Variants in SOX5 observed in about 807,000 individuals in gnomAD.
SOX5 encodes the protein SRY-box transcription factor 5.
Under a neutral mutation model 92.0 loss-of-function variants are expected in SOX5, and 9 were observed. The observed-to-expected ratio is 0.10, with a 90% CI of 0.06 to 0.17. The LOEUF (loss-of-function observed/expected upper bound fraction) is 0.17. Among genes scored for constraint, SOX5 ranks in the 10% least tolerant of loss-of-function variants. The pLI is 1.00. For synonymous variants in SOX5, 344 were observed against 336.3 expected, an observed-to-expected ratio of 1.02 and a Z score of -0.25; for missense variants, 642 against 944.5, an observed-to-expected ratio of 0.68 and a Z score of 4.20.
intron 1 of SOX5, among the ~76,000 whole-genome samples, chr12:24,429,148 T>C (rs900569682): frequency 6.6e-6 from 1 of 151,890 alleles, no homozygotes; most frequent in African/African-American, 2.4e-5. Context: ...AAACCCTGTC[T>C]CTACTAAAAA....
intron 2 of SOX5, among the ~76,000 whole-genome samples, chr12:24,358,143 G>A (rs1392398209): frequency 6.6e-6 from 1 of 152,178 alleles, no homozygotes; most frequent in Non-Finnish European, 1.5e-5. Flanking sequence ...ATTCTCTACA[G>A]GATGGTTTTC....
intron 1 of SOX5, among the ~76,000 whole-genome samples, chr12:24,536,347 A>G (rs1011872255): frequency 1.3e-5 from 2 of 152,190 alleles, no homozygotes; most frequent in Non-Finnish European, 2.9e-5. Flanking sequence ...CAGCACCTAG[A>G]GAGAGATGTC....
chr12:23,727,068 G>A (rs1164710944), intron 6 of SOX5, among the ~76,000 whole-genome samples: 1 of 152,086 alleles, frequency 6.6e-6, no homozygotes, highest in African/African-American at 2.4e-5. Flanking sequence ...AAAGAAATTT[G>A]AGATTCCAGA....
chr12:24,433,241 GT>G (rs1039082668), intron 1 of SOX5, among the ~76,000 whole-genome samples: 1 of 152,134 alleles, frequency 6.6e-6, no homozygotes, highest in Non-Finnish European at 1.5e-5. Flanking sequence ...TTATATCTTT[GT>G]TTTAAGCAAA....
intron 6 of SOX5, among the ~76,000 whole-genome samples, chr12:23,729,762 T>G (rs748185263): frequency 3.9e-5 from 6 of 152,180 alleles, no homozygotes; most frequent in Non-Finnish European, 8.8e-5. Context: ...TGAAAAGAAG[T>G]ACAGTATCTT....
intron 1 of SOX5, among the ~76,000 whole-genome samples, chr12:23,948,955 A>C (rs1297834126): frequency 6.6e-6 from 1 of 152,206 alleles, no homozygotes; most frequent in African/African-American, 2.4e-5. Context: ...GAACAGCTCC[A>C]TTTATCCCCT....
At chr12:23,835,937 C>T (rs1361440532) in intron 3 of SOX5, among the ~76,000 whole-genome samples, 1 of 151,566 alleles carries the variant, frequency 6.6e-6, no homozygotes, top group Non-Finnish European at 1.5e-5. Context: ...AATGGTATTC[C>T]CTGAAACTGG....
intron 2 of SOX5, among the ~76,000 whole-genome samples, chr12:24,324,092 G>A (rs761492716): frequency 1.8e-4 from 27 of 152,016 alleles, no homozygotes; most frequent in Non-Finnish European, 3.4e-4. Context: ...GAAGTAGAAA[G>A]GAAGAAATAA....
upstream of SOX5, chr12:23,950,793 C>G: frequency 7.3e-7 from 1 of 1,364,174 alleles, no homozygotes; most frequent in Non-Finnish European, 1.0e-6. Context: ...ATCTGGCAGC[C>G]GAGAAAGGTA....
At chr12:24,557,239 T>C (rs1260075822) in intron 1 of SOX5, among the ~76,000 whole-genome samples, 3 of 151,658 alleles carry the variant, frequency 2.0e-5, no homozygotes, top group Non-Finnish European at 4.4e-5. Context: ...AATACAAAAA[T>C]TAGCTGGGTG....
intron 3 of SOX5, among the ~76,000 whole-genome samples, chr12:24,239,322 T>C (rs1057108616): frequency 4.6e-5 from 7 of 152,362 alleles, no homozygotes; most frequent in African/African-American, 1.7e-4. Flanking sequence ...CTCACTAAAT[T>C]TCCTTAGAGA....
intron 4 of SOX5, among the ~76,000 whole-genome samples, chr12:23,745,677 C>A (rs2093957755): frequency 6.6e-6 from 1 of 152,196 alleles, no homozygotes; most frequent in Non-Finnish European, 1.5e-5. Context: ...ATTCATTCTT[C>A]ATGCTCCAGC....
chr12:23,958,323 GT>G (rs1056413186), intron 4 of SOX5, among the ~76,000 whole-genome samples: 1 of 151,492 alleles, frequency 6.6e-6, no homozygotes. Flanking sequence ...ACACTTAATG[GT>G]TTTTTTTCTG....
At chr12:23,932,471 T>C (rs1941658748) in intron 1 of SOX5, among the ~76,000 whole-genome samples, 1 of 151,660 alleles carries the variant, frequency 6.6e-6, no homozygotes, top group African/African-American at 2.4e-5. Flanking sequence ...ACTGTATTAA[T>C]GTTAACTTTC....
chr12:23,633,129 G>C (rs1440870440), intron 8 of SOX5, among the ~76,000 whole-genome samples: 1 of 152,016 alleles, frequency 6.6e-6, no homozygotes, highest in Non-Finnish European at 1.5e-5. Context: ...AGGTAGAACA[G>C]GTGGCAACCA....
At chr12:23,809,647 A>G (rs542330608) in intron 3 of SOX5, among the ~76,000 whole-genome samples, 2 of 151,528 alleles carry the variant, frequency 1.3e-5, no homozygotes, top group Non-Finnish European at 1.5e-5. Context: ...CTCAAATTCA[A>G]TCTTGCTTAA....
intron 3 of SOX5, among the ~76,000 whole-genome samples, chr12:23,793,625 G>A (rs1235491380): frequency 6.6e-6 from 1 of 152,194 alleles, no homozygotes; most frequent in Non-Finnish European, 1.5e-5. Context: ...AGATCATGTT[G>A]TGTGAAGATT....
At chr12:23,595,811 T>C (rs1029366933) in intron 9 of SOX5, among the ~76,000 whole-genome samples, 3 of 152,154 alleles carry the variant, frequency 2.0e-5, no homozygotes, top group Non-Finnish European at 2.9e-5. Context: ...ATACTACCTG[T>C]TGGGTACAAT....
intron 6 of SOX5, among the ~76,000 whole-genome samples, chr12:23,680,679 A>G (rs971604966): frequency 6.6e-6 from 1 of 152,074 alleles, no homozygotes; most frequent in Non-Finnish European, 1.5e-5. Context: ...AGCAGGACAA[A>G]TGAGAGGAAA....
Sources: gnomAD v4.1 joint callset for allele counts (sites outside exome capture counted in the v4.1 genomes callset) on GRCh38, gnomAD v4.1.1 for gene constraint, MANE v1.5 for transcripts, NCBI Gene and HGNC (gene_info 2026-07-23, HGNC 2026-07-21) for gene names.